The following PLXNA4 variants were observed in gnomAD, a reference collection of about 807,000 sequenced individuals.
PLXNA4 encodes the protein plexin-A4.
A neutral mutation model predicts 191.8 loss-of-function variants in PLXNA4; 44 were observed. That is an observed-to-expected ratio of 0.23 (90% CI 0.18 to 0.29). PLXNA4 has a LOEUF of 0.29. PLXNA4 is among the 10% of genes least tolerant of loss of function. The probability of loss-of-function intolerance (pLI) is 1.00; values close to 1 mark genes in which losing one functional copy is unlikely to be tolerated. For missense variants in PLXNA4, 1,800 were observed against 2,488.8 expected (o/e 0.72, Z 5.89); for synonymous variants, 1,082 against 1,009.5 (o/e 1.07, Z -1.36).
intron 1 of PLXNA4, among the ~76,000 whole-genome samples, chr7:132,567,718 C>G (rs559092178): frequency 1.2e-4 from 19 of 152,140 alleles, no homozygotes; most frequent in African/African-American, 4.3e-4. Context: ...AGAAATGATC[C>G]CTCTCAACCT....
At chr7:132,490,717 C>A in intron 2 of PLXNA4, among the ~76,000 whole-genome samples, 1 of 152,162 alleles carries the variant, frequency 6.6e-6, no homozygotes, top group East Asian at 1.9e-4. Context: ...TGAGCCCTTG[C>A]ACCCAGCTGC....
At chr7:132,563,329 C>CCTCTTT (rs1801435577) in intron 1 of PLXNA4, among the ~76,000 whole-genome samples, 1 of 118,822 alleles carries the variant, frequency 8.4e-6, no homozygotes, top group Non-Finnish European at 1.7e-5. Flanking sequence ...TCCTTCTCCT[C>CCTCTTT]CTCCTCCTTC....
chr7:132,515,437 C>G (rs79193593), intron 1 of PLXNA4, among the ~76,000 whole-genome samples: 4,582 of 152,300 alleles, frequency 0.03, 101 homozygotes, highest in Non-Finnish European at 0.048. Flanking sequence ...CTGGCACTTG[C>G]TGATGTAAGG....
intron 2 of PLXNA4, among the ~76,000 whole-genome samples, chr7:132,599,443 A>C (rs1331712040): frequency 2.0e-5 from 3 of 152,182 alleles, no homozygotes; most frequent in Non-Finnish European, 4.4e-5. Flanking sequence ...GAAGGACCTC[A>C]GGTGTTCTTA....
chr7:132,584,389 G>A (rs1746279601), intron 2 of PLXNA4, among the ~76,000 whole-genome samples: 2 of 152,168 alleles, frequency 1.3e-5, no homozygotes, highest in Admixed American at 1.3e-4. Flanking sequence ...GGGTGTGTAG[G>A]AAGCTTGAAG....
intron 24 of PLXNA4, 63 bp downstream of exon 24, chr7:132,164,079 A>G (rs1796025845): frequency 6.2e-7 from 1 of 1,602,242 alleles, no homozygotes. Context: ...ACTGCTGAGC[A>G]GGGCTACCCA....
intron 2 of PLXNA4, among the ~76,000 whole-genome samples, chr7:132,627,886 A>G (rs1585414973): frequency 6.6e-6 from 1 of 152,228 alleles, no homozygotes; most frequent in East Asian, 1.9e-4. Flanking sequence ...GTATTTTGTT[A>G]TAGCAACAAG....
At chr7:132,280,269 C>T (rs1800430759) in intron 4 of PLXNA4, among the ~76,000 whole-genome samples, 1 of 150,958 alleles carries the variant, frequency 6.6e-6, no homozygotes, top group Middle Eastern at 3.2e-3. Context: ...GACAAGAGAT[C>T]GAGAGATTGA....
At chr7:132,165,829 C>T (rs1342712306) in intron 22 of PLXNA4, among the ~76,000 whole-genome samples, 1 of 152,144 alleles carries the variant, frequency 6.6e-6, no homozygotes, top group Non-Finnish European at 1.5e-5. Flanking sequence ...ACTGAGTCCA[C>T]AGCCTCAGCT....
chr7:132,142,808 G>A (rs550263678), intron 29 of PLXNA4, among the ~76,000 whole-genome samples: 10 of 152,260 alleles, frequency 6.6e-5, no homozygotes, highest in South Asian at 6.2e-4. Flanking sequence ...TCCAGCTAAC[G>A]AAATCTCTGT....
At position 132,145,215 on chromosome 7, in the gene PLXNA4, G is replaced by A. The variant is rs767567930; in HGVS notation, c.5129C>T (p.Pro1710Leu). 3.1e-6 allele frequency: 5 copies of A among 1,614,248 alleles called. No homozygotes were observed. The highest frequency in any genetic ancestry group is 3.4e-6 in the Non-Finnish European group (4 of 1,180,052). Residue 1710 changes from proline to leucine, a missense_variant, in exon 29 of 32, where the codon CCC becomes CTC. Coordinates refer to ENST00000321063, the MANE Select transcript of PLXNA4 (RefSeq NM_020911.2). ...GTCAAACATGTACTTGATGGCCAGG[G>A]GCAGGGCAGAGCCACGGTGTGCCGT... ...FSTAHRGSALPLAIKYMFDFL... is the reference protein window; with the variant it reads ...FSTAHRGSALLLAIKYMFDFL...
At chr7:132,272,074 T>G (rs960219670) in intron 4 of PLXNA4, among the ~76,000 whole-genome samples, 1 of 152,148 alleles carries the variant, frequency 6.6e-6, no homozygotes, top group Non-Finnish European at 1.5e-5. Flanking sequence ...ACATGAGGGT[T>G]TAGGTAGGTT....
chr7:132,305,259 G>A (rs1450566671), intron 3 of PLXNA4, among the ~76,000 whole-genome samples: 2 of 152,058 alleles, frequency 1.3e-5, no homozygotes, highest in South Asian at 2.1e-4. Context: ...GGCCACATGA[G>A]CACTTAAGGA....
At chr7:132,396,939 G>A (rs1022065719) in intron 3 of PLXNA4, among the ~76,000 whole-genome samples, 1 of 152,218 alleles carries the variant, frequency 6.6e-6, no homozygotes, top group Admixed American at 6.5e-5. Flanking sequence ...GAGCCTCCAG[G>A]GGCGGCCCTG....
chr7:132,147,003 T>C (rs545820794), intron 27 of PLXNA4, among the ~76,000 whole-genome samples: 1 of 152,376 alleles, frequency 6.6e-6, no homozygotes, highest in South Asian at 2.1e-4. Context: ...ACTTTTTTAA[T>C]GCTTTTCCTT....
intron 1 of PLXNA4, among the ~76,000 whole-genome samples, chr7:132,562,673 C>T (rs1473453069): frequency 2.6e-5 from 3 of 117,222 alleles, no homozygotes; most frequent in African/African-American, 7.3e-5. Context: ...TCTTCCTCCT[C>T]CTCCTCCTCT....
intron 2 of PLXNA4, among the ~76,000 whole-genome samples, chr7:132,493,753 GGATGGA>G (rs1797897637): frequency 4.3e-4 from 4 of 9,306 alleles, no homozygotes; most frequent in South Asian, 0.01. Flanking sequence ...ATGGGTGGAT[GGATGGA>G]TGGATGGATG....
chr7:132,337,186 C>G (rs1802850643), intron 3 of PLXNA4, among the ~76,000 whole-genome samples: 1 of 152,238 alleles, frequency 6.6e-6, no homozygotes, highest in East Asian at 1.9e-4. Context: ...AATTTCTCCC[C>G]CATAAAGGCA....
chr7:132,181,294 T>C, intron 18 of PLXNA4, 87 bp downstream of exon 18: 10 of 1,575,146 alleles, frequency 6.3e-6, no homozygotes, highest in Admixed American at 3.5e-5. Context: ...GGTTGAGAAA[T>C]GTGGCAGGAG....
Sources: gnomAD v4.1 joint callset for allele counts (sites outside exome capture counted in the v4.1 genomes callset) on GRCh38, gnomAD v4.1.1 for gene constraint, MANE v1.5 for transcripts, NCBI Gene and HGNC (gene_info 2026-07-23, HGNC 2026-07-21) for gene names.